HDAC4: variants seen among roughly 807,000 people sequenced by gnomAD.
HDAC4 encodes histone deacetylase A.
In HDAC4, 16 loss-of-function variants were observed where a neutral mutation model predicts 135.1. That is an observed-to-expected ratio of 0.12 (90% CI 0.08 to 0.18). HDAC4 has a LOEUF of 0.18. Ranked by LOEUF, HDAC4 falls within the 10% of genes least tolerant of loss-of-function variation. The pLI is 1.00. For missense variants in HDAC4, 1,143 were observed against 1,511.8 expected (o/e 0.76, Z 4.05); for synonymous variants, 685 against 653.4 (o/e 1.05, Z -0.74).
chr2:239,356,551 A>C (rs926082621), intron 1 of HDAC4, among the ~76,000 whole-genome samples: 2 of 152,246 alleles, frequency 1.3e-5, no homozygotes, highest in Non-Finnish European at 2.9e-5. Context: ...AAAATATAGA[A>C]ATAGATTAAA....
intron 12 of HDAC4, among the ~76,000 whole-genome samples, chr2:239,118,354 G>A (rs2039326117): frequency 6.6e-6 from 1 of 152,226 alleles, no homozygotes; most frequent in African/African-American, 2.4e-5. Flanking sequence ...ATGGAGCCAG[G>A]TCCAGCCGGG....
At chr2:239,181,736 C>T (rs534347558) in intron 4 of HDAC4, among the ~76,000 whole-genome samples, 3 of 152,292 alleles carry the variant, frequency 2.0e-5, no homozygotes, top group African/African-American at 7.2e-5. Context: ...GCACTTGCAC[C>T]TAAATATTTA....
chr2:239,318,217 C>T (rs1037027949), intron 2 of HDAC4, among the ~76,000 whole-genome samples: 2 of 152,202 alleles, frequency 1.3e-5, no homozygotes, highest in African/African-American at 4.8e-5. Flanking sequence ...TGGAAACACC[C>T]GCCAGCATCA....
intron 1 of HDAC4, among the ~76,000 whole-genome samples, chr2:239,396,500 C>T (rs1166764469): frequency 6.6e-6 from 1 of 152,142 alleles, no homozygotes; most frequent in Non-Finnish European, 1.5e-5. Context: ...AGGGAATCTC[C>T]TTCACACTGA....
At chr2:239,176,799 G>A (rs528596195) in intron 4 of HDAC4, among the ~76,000 whole-genome samples, 1 of 152,328 alleles carries the variant, frequency 6.6e-6, no homozygotes, top group East Asian at 1.9e-4. Flanking sequence ...AAAGCCATTG[G>A]CTTGCTAGAA....
intron 2 of HDAC4, among the ~76,000 whole-genome samples, chr2:239,273,751 G>A (rs547072831): frequency 5.9e-5 from 9 of 152,306 alleles, no homozygotes; most frequent in African/African-American, 2.2e-4. Flanking sequence ...CACACAACAG[G>A]ACAAGCCAAG....
intron 2 of HDAC4, among the ~76,000 whole-genome samples, chr2:239,238,055 C>T: frequency 6.6e-6 from 1 of 152,092 alleles, no homozygotes; most frequent in African/African-American, 2.4e-5. Flanking sequence ...TCACACATTC[C>T]AGGGCTTTCT....
chr2:239,384,749 C>A (rs375227469), intron 1 of HDAC4, among the ~76,000 whole-genome samples: 1 of 152,220 alleles, frequency 6.6e-6, no homozygotes, highest in Non-Finnish European at 1.5e-5. Flanking sequence ...ATATACCCCA[C>A]GGCTCTGTCC....
At chr2:239,290,357 T>C (rs2051391150) in intron 2 of HDAC4, among the ~76,000 whole-genome samples, 1 of 152,162 alleles carries the variant, frequency 6.6e-6, no homozygotes, top group Non-Finnish European at 1.5e-5. Flanking sequence ...ACCAGCGACA[T>C]GGGGACACCA....
At chr2:239,212,386 T>A (rs1043077373) in intron 3 of HDAC4, among the ~76,000 whole-genome samples, 2 of 151,672 alleles carry the variant, frequency 1.3e-5, no homozygotes, top group African/African-American at 4.8e-5. Context: ...TAAAAGCAGT[T>A]TAAAAAAAAG....
At chr2:239,397,095 G>C (rs564775132) in intron 1 of HDAC4, among the ~76,000 whole-genome samples, 2 of 152,246 alleles carry the variant, frequency 1.3e-5, no homozygotes, top group East Asian at 3.8e-4. Flanking sequence ...AAAGTCTAAC[G>C]ACACTGAACT....
At chr2:239,220,806 T>G (rs530099339) in intron 3 of HDAC4, among the ~76,000 whole-genome samples, 10 of 152,340 alleles carry the variant, frequency 6.6e-5, no homozygotes, top group African/African-American at 2.4e-4. Context: ...ATTAAAGGTT[T>G]CTCACACTAA....
intron 2 of HDAC4, among the ~76,000 whole-genome samples, chr2:239,251,204 A>T (rs2048766737): frequency 6.6e-6 from 1 of 152,204 alleles, no homozygotes; most frequent in African/African-American, 2.4e-5. Context: ...TTCATATCTA[A>T]AATGTTTTCA....
At chr2:239,131,256 C>T (rs903304758) in intron 11 of HDAC4, among the ~76,000 whole-genome samples, 1 of 152,178 alleles carries the variant, frequency 6.6e-6, no homozygotes, top group African/African-American at 2.4e-5. Context: ...TGGTCTCTGA[C>T]AGTGACCTCA....
intron 1 of HDAC4, among the ~76,000 whole-genome samples, chr2:239,381,894 C>A (rs1173840096): frequency 6.6e-6 from 1 of 152,196 alleles, no homozygotes; most frequent in African/African-American, 2.4e-5. Context: ...AGACTCAAGC[C>A]AGAGTGACTG....
intron 7 of HDAC4, among the ~76,000 whole-genome samples, chr2:239,151,409 C>T (rs2042110715): frequency 6.6e-6 from 1 of 152,186 alleles, no homozygotes; most frequent in African/African-American, 2.4e-5. Flanking sequence ...GGGACAGCTT[C>T]CCCCCAAAAT....
intron 1 of HDAC4, among the ~76,000 whole-genome samples, chr2:239,392,442 T>C (rs190538931): frequency 2.6e-5 from 4 of 152,278 alleles, no homozygotes; most frequent in African/African-American, 7.2e-5. Flanking sequence ...GTAAATTTTA[T>C]AGTAGAGGGG....
chr2:239,311,158 C>T (rs779849579), intron 2 of HDAC4, among the ~76,000 whole-genome samples: 3 of 152,178 alleles, frequency 2.0e-5, no homozygotes, highest in African/African-American at 7.2e-5. Context: ...TACAACCCCG[C>T]AGAGTGAGGT....
chr2:239,377,542 G>C (rs1490735675), intron 1 of HDAC4, among the ~76,000 whole-genome samples: 2 of 152,220 alleles, frequency 1.3e-5, no homozygotes, highest in Non-Finnish European at 2.9e-5. Flanking sequence ...ACAATGGAGG[G>C]AGCACGAGAT....
Sources: allele counts gnomAD v4.1 joint callset (sites outside exome capture counted in the v4.1 genomes callset), GRCh38; gene constraint gnomAD v4.1.1; transcripts MANE v1.5; gene names NCBI Gene and HGNC (gene_info 2026-07-23, HGNC 2026-07-21).